The following DGKB variants were observed in gnomAD, a reference collection of about 807,000 sequenced individuals.
DGKB encodes 90 kDa diacylglycerol kinase.
DGKB carries 67 observed loss-of-function variants against 114.3 expected under a neutral mutation model. The observed-to-expected ratio is 0.59, with a 90% CI of 0.48 to 0.72. The LOEUF is 0.72. Ranked by LOEUF, DGKB falls within the 30% of genes least tolerant of loss-of-function variation. The pLI, the probability that DGKB is intolerant of heterozygous loss-of-function variation, is 0.00. For missense variants in DGKB, 907 were observed against 975.2 expected, an observed-to-expected ratio of 0.93 and a Z score of 0.93; for synonymous variants, 398 against 323.1, an observed-to-expected ratio of 1.23 and a Z score of -2.49.
chr7:14,655,659 AT>A (rs1476838282), intron 13 of DGKB, among the ~76,000 whole-genome samples: 1 of 151,750 alleles, frequency 6.6e-6, no homozygotes, highest in Non-Finnish European at 1.5e-5. Flanking sequence ...AGATGAGTAG[AT>A]AAAATAATTA....
chr7:14,860,264 T>A (rs1850780357), intron 1 of DGKB, among the ~76,000 whole-genome samples: 2 of 152,104 alleles, frequency 1.3e-5, no homozygotes, highest in Non-Finnish European at 2.9e-5. Flanking sequence ...TATTTTAGAT[T>A]TCAAATCTAT....
intron 15 of DGKB, among the ~76,000 whole-genome samples, chr7:14,616,971 A>C (rs1004817713): frequency 6.6e-6 from 1 of 151,796 alleles, no homozygotes; most frequent in Non-Finnish European, 1.5e-5. Flanking sequence ...ACCATACTGA[A>C]TAGAATTCAT....
chr7:14,925,343 G>T (rs538116725), intron 1 of DGKB, among the ~76,000 whole-genome samples: 1 of 152,260 alleles, frequency 6.6e-6, no homozygotes, highest in African/African-American at 2.4e-5. Flanking sequence ...CTCCTTTGAT[G>T]AATATCTGTT....
chr7:14,204,159 G>C (rs1219790449), intron 23 of DGKB, among the ~76,000 whole-genome samples: 1 of 151,858 alleles, frequency 6.6e-6, no homozygotes, highest in African/African-American at 2.4e-5. Flanking sequence ...TTTTCAACAT[G>C]ATTAACATTT....
chr7:14,638,957 G>C (rs1321270001), intron 13 of DGKB, among the ~76,000 whole-genome samples: 2 of 152,130 alleles, frequency 1.3e-5, no homozygotes, highest in African/African-American at 2.4e-5. Context: ...AGAATCGCTT[G>C]AACCCGGGAG....
chr7:14,838,195 T>A (rs770487674), intron 2 of DGKB, among the ~76,000 whole-genome samples: 4 of 152,168 alleles, frequency 2.6e-5, no homozygotes, highest in Non-Finnish European at 5.9e-5. Context: ...ACCTCCATAT[T>A]CATTAGCCAA....
At chr7:14,460,892 A>G (rs28768518) in intron 21 of DGKB, among the ~76,000 whole-genome samples, 17,039 of 151,794 alleles carry the variant, frequency 0.11, 1,194 homozygotes, top group East Asian at 0.22. Context: ...AACGGAAATC[A>G]TAACAGTCTC....
chr7:14,487,087 AGT>A (rs1563300146), intron 20 of DGKB, among the ~76,000 whole-genome samples: 1 of 152,132 alleles, frequency 6.6e-6, no homozygotes, highest in African/African-American at 2.4e-5. Context: ...TGGTGGGCAG[AGT>A]GTGTAGGGCT....
chr7:14,229,294 T>C (rs1041051173), intron 23 of DGKB, among the ~76,000 whole-genome samples: 2 of 151,986 alleles, frequency 1.3e-5, no homozygotes, highest in Admixed American at 6.6e-5. Flanking sequence ...GATGATTTTG[T>C]CATTGTGAGA....
chr7:14,703,123 T>C (rs1825508559), intron 6 of DGKB, among the ~76,000 whole-genome samples: 1 of 152,216 alleles, frequency 6.6e-6, no homozygotes, highest in Non-Finnish European at 1.5e-5. Flanking sequence ...CAAGAGATTG[T>C]AGTGCAGCAG....
chr7:14,265,645 G>T (rs73052124), intron 23 of DGKB, among the ~76,000 whole-genome samples: 16,710 of 151,812 alleles, frequency 0.11, 958 homozygotes, highest in South Asian at 0.17. Context: ...TTAAGCTATG[G>T]TATAACTACC....
rs528400761 is a variant in DGKB, at chr7:14,698,188, T to C, written c.517-19A>G. On this transcript the variant is annotated intron_variant, in intron 7 of 25. Transcript: ENST00000402815. ...CTAGCTCCTGGAAGAGAAAGAGAGA[T>C]AAAAAATATGAATACAAGATCTTAG... 4.9e-6 allele frequency: 7 copies of C among 1,434,252 alleles called. No individual in the cohort carries two copies. Among genetic ancestry groups the C allele is most frequent in the Non-Finnish European group, 6.6e-6 (7 of 1,063,360 alleles). The allele number at this position is 1,434,252 out of a possible 1,614,324, so 88.8% of individuals were successfully genotyped here. A position where few individuals can be genotyped will look rare whatever the true frequency, so the allele number is the denominator to read the frequency against.
chr7:14,603,672 G>T (rs111629400), intron 17 of DGKB, among the ~76,000 whole-genome samples: 9,960 of 151,972 alleles, frequency 0.066, 1,096 homozygotes, highest in African/African-American at 0.23. Flanking sequence ...ATTATGTGTC[G>T]TTTGCATTTA....
At chr7:14,909,643 C>G (rs1260468254) in intron 1 of DGKB, among the ~76,000 whole-genome samples, 5 of 152,230 alleles carry the variant, frequency 3.3e-5, no homozygotes, top group Admixed American at 3.3e-4. Context: ...AATAAGAATA[C>G]ATTGCATAAT....
intron 23 of DGKB, among the ~76,000 whole-genome samples, chr7:14,221,794 T>TGTGGGTAGATTTTGATTTGTGGGTA (rs1790020892): frequency 6.6e-6 from 1 of 151,308 alleles, no homozygotes; most frequent in Admixed American, 6.6e-5. Flanking sequence ...TCTGGGTCTT[T>TGTGGGTAGATTTTGATTTGTGGGTA]GCTTTTCTTT....
chr7:14,556,335 GTATT>G (rs1352918877), intron 20 of DGKB, among the ~76,000 whole-genome samples: 10 of 151,892 alleles, frequency 6.6e-5, no homozygotes, highest in African/African-American at 2.4e-4. Flanking sequence ...TATATATTTA[GTATT>G]TATTACATTG....
chr7:14,340,181 T>TTTC (rs1491299281), intron 22 of DGKB, among the ~76,000 whole-genome samples: 2 of 121,770 alleles, frequency 1.6e-5, no homozygotes, highest in African/African-American at 6.3e-5. Flanking sequence ...TTTTTTTTTT[T>TTTC]CCAGAAAGCA....
At chr7:14,407,537 T>C (rs973477731) in intron 21 of DGKB, among the ~76,000 whole-genome samples, 5 of 151,854 alleles carry the variant, frequency 3.3e-5, no homozygotes, top group Non-Finnish European at 7.4e-5. Context: ...TTATTGAGAG[T>C]GACAGTACAG....
chr7:14,353,580 T>C (rs1209980718), intron 21 of DGKB, among the ~76,000 whole-genome samples: 1 of 152,172 alleles, frequency 6.6e-6, no homozygotes, highest in Non-Finnish European at 1.5e-5. Flanking sequence ...AGTCTCTGAA[T>C]TTTTACTCGT....
Sources: gnomAD v4.1 joint callset for allele counts (sites outside exome capture counted in the v4.1 genomes callset) on GRCh38, gnomAD v4.1.1 for gene constraint, MANE v1.5 for transcripts, NCBI Gene and HGNC (gene_info 2026-07-23, HGNC 2026-07-21) for gene names.